Variants in PXDNL observed in about 807,000 individuals in gnomAD.
PXDNL encodes peroxidasin like.
In PXDNL, 145 loss-of-function variants were observed where a neutral mutation model predicts 150.8. That is an observed-to-expected ratio of 0.96 (90% CI 0.84 to 1.10). The LOEUF (loss-of-function observed/expected upper bound fraction) is 1.10, where lower values mean the gene tolerates loss of function less well. Among genes scored for constraint, PXDNL ranks in the 50% least tolerant of loss-of-function variants. PXDNL has a pLI of 0.00. For synonymous variants in PXDNL, 757 were observed against 725.7 expected (o/e 1.04, Z -0.69); for missense variants, 2,087 against 1,873.9 (o/e 1.11, Z -2.10).
At chr8:51,614,560 A>G (rs1243813144) in intron 2 of PXDNL, among the ~76,000 whole-genome samples, 2 of 152,322 alleles carry the variant, frequency 1.3e-5, no homozygotes, top group East Asian at 3.9e-4. Context: ...GAGATGACCA[A>G]TTCACGAATT....
intron 1 of PXDNL, among the ~76,000 whole-genome samples, chr8:51,744,242 A>G: frequency 6.7e-6 from 1 of 149,180 alleles, no homozygotes; most frequent in East Asian, 2.0e-4. Context: ...AAGAAAGAAA[A>G]GAGAGGAAAA....
At chr8:51,609,727 T>G (rs534714616) in intron 2 of PXDNL, among the ~76,000 whole-genome samples, 1 of 152,272 alleles carries the variant, frequency 6.6e-6, no homozygotes, top group African/African-American at 2.4e-5. Flanking sequence ...CAGCGAGAGT[T>G]GTGAAAGCAG....
At chr8:51,672,229 GC>G (rs1815510833) in intron 1 of PXDNL, among the ~76,000 whole-genome samples, 1 of 152,112 alleles carries the variant, frequency 6.6e-6, no homozygotes, top group South Asian at 2.1e-4. Flanking sequence ...GATCTGCCTA[GC>G]CTCAGCCTCC....
chr8:51,480,710 C>G (rs1810581742), intron 6 of PXDNL, among the ~76,000 whole-genome samples: 1 of 152,234 alleles, frequency 6.6e-6, no homozygotes, highest in East Asian at 1.9e-4. Flanking sequence ...GTGGTTTCCC[C>G]CATACTGTTC....
chr8:51,596,778 T>C (rs1416415696), intron 2 of PXDNL, among the ~76,000 whole-genome samples: 1 of 152,174 alleles, frequency 6.6e-6, no homozygotes, highest in East Asian at 1.9e-4. Context: ...TTCAATTGTT[T>C]AAGTTCCTTA....
chr8:51,543,613 G>A (rs1812273299), intron 4 of PXDNL, among the ~76,000 whole-genome samples: 1 of 150,778 alleles, frequency 6.6e-6, no homozygotes, highest in Non-Finnish European at 1.5e-5. Context: ...TTGGGAGGCT[G>A]AGGGAGAAGA....
intron 1 of PXDNL, among the ~76,000 whole-genome samples, chr8:51,705,640 G>C (rs962891998): frequency 3.3e-4 from 50 of 152,210 alleles, no homozygotes; most frequent in African/African-American, 1.1e-3. Context: ...AATATTTTCT[G>C]GATTAGGAAT....
intron 4 of PXDNL, among the ~76,000 whole-genome samples, chr8:51,502,665 T>G (rs1209319318): frequency 7.8e-6 from 1 of 128,354 alleles, no homozygotes; most frequent in East Asian, 2.0e-4. Flanking sequence ...CCAGTAGAAG[T>G]GTTTTTTTTT....
chr8:51,503,455 T>C (rs1437976580), intron 4 of PXDNL, among the ~76,000 whole-genome samples: 1 of 152,206 alleles, frequency 6.6e-6, no homozygotes, highest in African/African-American at 2.4e-5. Flanking sequence ...TTAGGTTATA[T>C]GTGTTTGATT....
At chr8:51,492,837 G>C (rs1563436521) in intron 5 of PXDNL, among the ~76,000 whole-genome samples, 1 of 152,222 alleles carries the variant, frequency 6.6e-6, no homozygotes, top group Non-Finnish European at 1.5e-5. Context: ...GCCTGCCTCT[G>C]TAGACTCCAC....
In PXDNL at chr8:51,809,369, G is replaced by A. The variant is rs1365096290; in HGVS notation, c.-25C>T. The A allele has an allele frequency of 4.0e-6, 6 of 1,514,160 alleles. No homozygotes were observed. The highest frequency in any genetic ancestry group is 2.2e-4 in the Middle Eastern group (1 of 4,636). 93.8% of individuals were successfully genotyped at this position (1,514,160 alleles called of 1,614,324 possible). A position where few individuals can be genotyped will look rare whatever the true frequency, so the allele number is the denominator to read the frequency against. On this transcript the variant is annotated 5_prime_UTR_variant, in exon 1 of 23. Coordinates refer to ENST00000356297, the MANE Select transcript of PXDNL (RefSeq NM_144651.5). Reference sequence around the variant, plus strand: ...TCGCTCCATTCGCTGCTGGCCACGCGAAGAAGCAGCCGGAGGGAGAGCAGC... The same window carrying A: ...TCGCTCCATTCGCTGCTGGCCACGCAAAGAAGCAGCCGGAGGGAGAGCAGC...
At chr8:51,539,680 A>G (rs1812168618) in intron 4 of PXDNL, among the ~76,000 whole-genome samples, 1 of 152,150 alleles carries the variant, frequency 6.6e-6, no homozygotes, top group Non-Finnish European at 1.5e-5. Flanking sequence ...TTCTTGAGTT[A>G]ACTTTATAAG....
At chr8:51,678,918 C>A (rs1423390295) in intron 1 of PXDNL, among the ~76,000 whole-genome samples, 6 of 152,072 alleles carry the variant, frequency 3.9e-5, no homozygotes, top group African/African-American at 7.2e-5. Context: ...TACATAAAAC[C>A]AAACTCAATC....
At chr8:51,678,249 G>A (rs1282107195) in intron 1 of PXDNL, among the ~76,000 whole-genome samples, 1 of 152,158 alleles carries the variant, frequency 6.6e-6, no homozygotes, top group Non-Finnish European at 1.5e-5. Flanking sequence ...GGGTACCTTA[G>A]TATCATCAGT....
intron 1 of PXDNL, among the ~76,000 whole-genome samples, chr8:51,750,966 A>C (rs2130975782): frequency 6.6e-6 from 1 of 152,318 alleles, no homozygotes; most frequent in Non-Finnish European, 1.5e-5. Context: ...ATGCTTTGGT[A>C]GTTTTTAATT....
chr8:51,605,497 T>C (rs1813819420), intron 2 of PXDNL, among the ~76,000 whole-genome samples: 1 of 151,952 alleles, frequency 6.6e-6, no homozygotes, highest in African/African-American at 2.4e-5. Flanking sequence ...ATTATTAATA[T>C]AAATATTCAT....
intron 10 of PXDNL, among the ~76,000 whole-genome samples, chr8:51,450,300 G>A (rs1809774920): frequency 6.6e-6 from 1 of 152,112 alleles, no homozygotes; most frequent in African/African-American, 2.4e-5. Flanking sequence ...TTTATCAGCA[G>A]GGTCTTTGTG....
At chr8:51,423,144 G>T (rs1437908847) in intron 14 of PXDNL, among the ~76,000 whole-genome samples, 1 of 152,100 alleles carries the variant, frequency 6.6e-6, no homozygotes, top group Non-Finnish European at 1.5e-5. Context: ...TTGTTCTAGT[G>T]GTTGTAAAGT....
At chr8:51,653,809 T>C (rs947907385) in intron 2 of PXDNL, among the ~76,000 whole-genome samples, 1 of 94,800 alleles carries the variant, frequency 1.1e-5, no homozygotes, top group Non-Finnish European at 3.0e-5. Flanking sequence ...CATGAGAATA[T>C]TATGACAAGA....
Sources: gnomAD v4.1 joint callset for allele counts (sites outside exome capture counted in the v4.1 genomes callset) on GRCh38, gnomAD v4.1.1 for gene constraint, MANE v1.5 for transcripts, NCBI Gene and HGNC (gene_info 2026-07-23, HGNC 2026-07-21) for gene names.